AKAP9: variants seen among roughly 807,000 people sequenced by gnomAD.
AKAP9 encodes the protein A-kinase anchoring protein 9.
In AKAP9, 311 loss-of-function variants were observed where a neutral mutation model predicts 488.5. The observed-to-expected ratio is 0.64, with a 90% CI of 0.58 to 0.70. AKAP9 has a LOEUF of 0.70. AKAP9 is among the 30% of genes least tolerant of loss of function. The pLI, the probability that AKAP9 is intolerant of heterozygous loss-of-function variation, is 0.00. For synonymous variants in AKAP9, 1,462 were observed against 1,483.5 expected, an observed-to-expected ratio of 0.99 and a Z score of 0.33; for missense variants, 4,215 against 4,374.5, an observed-to-expected ratio of 0.96 and a Z score of 1.03.
At chr7:92,027,508 G>A (rs1327032738) in intron 14 of AKAP9, among the ~76,000 whole-genome samples, 6 of 133,594 alleles carry the variant, frequency 4.5e-5, no homozygotes, top group Non-Finnish European at 6.2e-5. Flanking sequence ...CTGCCCAGCC[G>A]CCCTTCGTCT....
intron 30 of AKAP9, 62 bp downstream of exon 30, chr7:92,077,937 G>A: frequency 3.5e-6 from 4 of 1,156,112 alleles, no homozygotes; most frequent in Non-Finnish European, 5.0e-6. Context: ...GGGCAAAATG[G>A]TTATAATGTT....
chr7:92,083,442 A>G lies in AKAP9; in HGVS notation c.8433A>G (p.Glu2811=). 6.2e-7 allele frequency: 1 copy of G among 1,614,064 alleles called. No homozygotes were observed. The highest frequency in any genetic ancestry group is 8.5e-7 in the Non-Finnish European group (1 of 1,179,950). Residue 2811 remains glutamate (E), a synonymous_variant, in exon 33 of 50, where the codon GAA becomes GAG. Coordinates refer to ENST00000356239, the MANE Select transcript of AKAP9 (RefSeq NM_005751.5). ...GAATACAAATTAATTTACAGAGTGA[A>G]TGTTCCTCAGAAGAAGTTACTGAAA... is the stretch of plus-strand genomic sequence containing the variant. ...NAGIQINLQS[E]CSSEEVTEII...
intron 22 of AKAP9, among the ~76,000 whole-genome samples, chr7:92,057,166 T>C (rs1326341428): frequency 1.3e-5 from 2 of 152,062 alleles, no homozygotes; most frequent in Non-Finnish European, 2.9e-5. Flanking sequence ...CTGTAAACAA[T>C]ATGAAAATAG....
At chr7:92,068,235 G>C (rs534458442) in intron 26 of AKAP9, among the ~76,000 whole-genome samples, 2 of 151,294 alleles carry the variant, frequency 1.3e-5, no homozygotes, top group African/African-American at 4.9e-5. Context: ...GCGTGGTGGC[G>C]GGCACCTGTA....
chr7:91,981,554 GA>G (rs1179040216), intron 3 of AKAP9, among the ~76,000 whole-genome samples: 1 of 147,296 alleles, frequency 6.8e-6, no homozygotes, highest in African/African-American at 2.5e-5. Flanking sequence ...TATTGCATTT[GA>G]AAACTTTTTT....
chr7:92,088,740 C>T (rs1815030067), intron 37 of AKAP9, among the ~76,000 whole-genome samples: 1 of 152,002 alleles, frequency 6.6e-6, no homozygotes, highest in Non-Finnish European at 1.5e-5. Flanking sequence ...TGTAGGACTA[C>T]ACACCAAGAA....
At chr7:91,991,835 C>A (rs779354484) in intron 3 of AKAP9, among the ~76,000 whole-genome samples, 1 of 152,082 alleles carries the variant, frequency 6.6e-6, no homozygotes, top group African/African-American at 2.4e-5. Context: ...TTTAAGGAAG[C>A]CTTTCATAGA....
At position 92,103,694 on chromosome 7, in the gene AKAP9, C is replaced by CA. The variant is rs777641709; in HGVS notation, c.11330+884dup. 9.0e-3 allele frequency among the ~76,000 whole-genome samples: 851 copies of CA among 94,744 alleles called. 3 individuals carry two copies. Among genetic ancestry groups the CA allele is most frequent in the African/African-American group, 0.018 (477 of 26,460 alleles). The allele number at this position is 94,744 out of a possible 152,430, so 62.2% of individuals were successfully genotyped here. The stretch of plus-strand genomic sequence containing the variant: ...TCGGTGACAGAGCAAGACTCTGTCT[C>CA]AAAAAAAAAAAAAAAATCTGAATAA... On this transcript the variant is annotated intron_variant, in intron 46 of 49. Coordinates refer to ENST00000356239, the MANE Select transcript of AKAP9 (RefSeq NM_005751.5).
intron 2 of AKAP9, among the ~76,000 whole-genome samples, chr7:91,975,155 T>C (rs1795498921): frequency 6.6e-6 from 1 of 151,988 alleles, no homozygotes; most frequent in Non-Finnish European, 1.5e-5. Context: ...CTTGGCCTTG[T>C]TTTTGTTATT....
In AKAP9 at chr7:92,002,522, G is replaced by A. The variant is rs1562961795; in HGVS notation, c.2605G>A (p.Ala869Thr). ...CTATCAAGAGTTACAAGAGGAGTAT[G>A]CTTGCCTTCTCAAAGTAAAAGATGA... ...VNYQELQEEYACLLKVKDDLE... is the reference protein window; with the variant it reads ...VNYQELQEEYTCLLKVKDDLE... The change falls in exon 8 of 50, where the codon GCT (alanine) becomes ACT (threonine). Residue 869 changes from alanine (A) to threonine (T), a missense_variant. By Grantham distance (58) the Ala-to-Thr change is moderately conservative. Coordinates refer to ENST00000356239, the MANE Select transcript of AKAP9 (RefSeq NM_005751.5). 6.2e-7 allele frequency: 1 copy of A among 1,610,638 alleles called. No individual in the cohort carries two copies. Among genetic ancestry groups the A allele is most frequent in the Admixed American group, 1.7e-5 (1 of 59,716 alleles).
At chr7:91,957,197 A>G (rs1793125948) in intron 1 of AKAP9, among the ~76,000 whole-genome samples, 1 of 152,182 alleles carries the variant, frequency 6.6e-6, no homozygotes, top group South Asian at 2.1e-4. Flanking sequence ...AGTTGCAAGT[A>G]AAATTTAACA....
At chr7:91,948,793 T>G (rs111734008) in intron 1 of AKAP9, among the ~76,000 whole-genome samples, 1 of 151,970 alleles carries the variant, frequency 6.6e-6, no homozygotes, top group African/African-American at 2.4e-5. Flanking sequence ...TTTGTATTTT[T>G]AGCAGAGATG....
chr7:91,950,482 G>A (rs922275097), intron 1 of AKAP9, among the ~76,000 whole-genome samples: 7 of 151,960 alleles, frequency 4.6e-5, no homozygotes, highest in African/African-American at 1.2e-4. Flanking sequence ...CGCCTGCCTC[G>A]GCCTCCCAAA....
chr7:92,010,794 C>G (rs755746021), intron 8 of AKAP9, among the ~76,000 whole-genome samples: 5 of 152,258 alleles, frequency 3.3e-5, no homozygotes, highest in Non-Finnish European at 5.9e-5. Flanking sequence ...GCTGGGACTA[C>G]AGGCACATAT....
chr7:92,083,519 C>G lies in AKAP9; in HGVS notation c.8510C>G (p.Ala2837Gly). 1 of 1,605,424 alleles carries G rather than the reference C, an allele frequency of 6.2e-7. No homozygotes were observed. Among genetic ancestry groups the G allele is most frequent in the Non-Finnish European group, 8.5e-7 (1 of 1,176,044 alleles). The change falls in exon 33 of 50, where the codon GCT (alanine) becomes GGT (glycine). Residue 2837 changes from alanine to glycine, a missense_variant. By Grantham distance (60) the Ala-to-Gly change is moderately conservative. Around this residue, in one of 5 missense-constraint regions of AKAP9, gnomAD observed 1,476 missense variants for 1,477.4 expected, o/e 1.00. Transcript: ENST00000356239. Reference protein sequence around the residue: ...KIEKMQELHAAEILDMESRHI... With the variant: ...KIEKMQELHAGEILDMESRHI... ...GAGAAGATGCAAGAACTACATGCTG[C>G]TGAAATTTTGGACATGGAATCCAGA... is the stretch of plus-strand genomic sequence containing the variant.
At position 91,973,940 on chromosome 7, in the gene AKAP9, C is replaced by T. The variant is rs1286101966; in HGVS notation, c.278C>T (p.Thr93Ile). 1.2e-5 allele frequency: 20 copies of T among 1,613,800 alleles called. No individual in the cohort carries two copies. The highest frequency in any genetic ancestry group is 1.7e-5 in the Non-Finnish European group (20 of 1,179,922). ...AGAACTCTACATAGTGGAGAAATAA[C>T]CAGTCATGAGCAGGGCTTCTCTGTG... ...IMRTLHSGEI[T>I]SHEQGFSVEL... is the part of the protein sequence containing the mutation. The change falls in exon 2 of 50, where the codon ACC becomes ATC. Residue 93 changes from threonine to isoleucine, a missense_variant. Physicochemically the swap from Thr to Ile is moderately conservative, Grantham distance 89. Transcript: ENST00000356239.
intron 8 of AKAP9, among the ~76,000 whole-genome samples, chr7:92,012,027 G>C (rs1471613279): frequency 2.0e-5 from 3 of 152,174 alleles, no homozygotes; most frequent in South Asian, 4.1e-4. Flanking sequence ...CTTGAACCCA[G>C]GAGGTCAAGG....
At chr7:92,012,859 A>G (rs1056963729) in intron 9 of AKAP9, among the ~76,000 whole-genome samples, 14 of 152,156 alleles carry the variant, frequency 9.2e-5, no homozygotes, top group African/African-American at 3.4e-4. Flanking sequence ...TATATAAAAT[A>G]AACAATTTCT....
intron 14 of AKAP9, among the ~76,000 whole-genome samples, chr7:92,023,311 G>A (rs1245733678): frequency 6.6e-6 from 1 of 152,130 alleles, no homozygotes; most frequent in Non-Finnish European, 1.5e-5. Context: ...AGTTTATTCT[G>A]TACCTAGTCT....
Sources: gnomAD v4.1 joint callset for allele counts (sites outside exome capture counted in the v4.1 genomes callset) on GRCh38, gnomAD v4.1.1 for gene constraint, gnomAD v4.1.1 regional missense constraint, MANE v1.5 for transcripts, NCBI Gene and HGNC (gene_info 2026-07-23, HGNC 2026-07-21) for gene names.